PDE9A: variants seen among roughly 807,000 people sequenced by gnomAD.
PDE9A encodes high affinity cGMP-specific 3',5'-cyclic phosphodiesterase 9A.
In PDE9A, 60 loss-of-function variants were observed where a neutral mutation model predicts 87.4. The observed-to-expected ratio is 0.69, with a 90% CI of 0.56 to 0.85. The LOEUF (loss-of-function observed/expected upper bound fraction) is 0.85, where lower values mean the gene tolerates loss of function less well. PDE9A is among the 40% of genes least tolerant of loss of function. The pLI is 0.00. For synonymous variants in PDE9A, 272 were observed against 279.4 expected, an observed-to-expected ratio of 0.97 and a Z score of 0.27; for missense variants, 665 against 779.0, an observed-to-expected ratio of 0.85 and a Z score of 1.74.
rs1294292672 is a variant in PDE9A, at chr21:42,684,428, C to T, written c.70-1764C>T. Among the ~76,000 whole-genome samples the T allele has an allele frequency of 2.0e-5, 3 of 152,236 alleles. 1 individual carries two copies. The highest frequency in any genetic ancestry group is 2.1e-4 in the South Asian group (1 of 4,834). On this transcript the variant is annotated intron_variant, in intron 1 of 19. Transcript: ENST00000291539. ...CAGGCTCTGCCACGCCACAACTCCACGGGCATAGCCTGGGAGGCCGCAGCG... is the reference window on the plus strand; with the variant it reads ...CAGGCTCTGCCACGCCACAACTCCATGGGCATAGCCTGGGAGGCCGCAGCG...
In PDE9A at chr21:42,660,877, C is replaced by A. The variant is rs73905720; in HGVS notation, c.69+6994C>A. On this transcript the variant is annotated intron_variant, in intron 1 of 19. Coordinates refer to ENST00000291539, the MANE Select transcript of PDE9A (RefSeq NM_002606.3). This position sits in a 1 kb window ranked among gnomAD's most constrained non-coding sequence, Gnocchi z 4.7. ...CCCATCCCTGACTGCCTGTCTCCCC[C>A]CTCACCCTGACCACATCTCCCCAAA... Among the ~76,000 whole-genome samples the A allele has an allele frequency of 1.3e-5, 2 of 152,076 alleles. No individual in the cohort carries two copies. The highest frequency in any genetic ancestry group is 3.8e-4 in the East Asian group (2 of 5,196).
At chr21:42,683,707 C>T (rs749300941) in intron 1 of PDE9A, among the ~76,000 whole-genome samples, 3 of 152,198 alleles carry the variant, frequency 2.0e-5, no homozygotes, top group African/African-American at 4.8e-5. Flanking sequence ...ACTGCGATTC[C>T]GTAATCGCCC....
intron 4 of PDE9A, chr21:42,700,631 G>A (rs981692998): frequency 6.6e-6 from 1 of 152,150 alleles, no homozygotes; most frequent in African/African-American, 2.4e-5. Context: ...TTGAAAGCAA[G>A]TCACGAAGTC....
At chr21:42,714,714 A>G (rs1288968358) in intron 4 of PDE9A, among the ~76,000 whole-genome samples, 3 of 142,878 alleles carry the variant, frequency 2.1e-5, no homozygotes, top group African/African-American at 5.3e-5. Context: ...CTTTGTTCAT[A>G]TGGTTGGGGT....
At chr21:42,684,272 C>A (rs2059323012) in intron 1 of PDE9A, among the ~76,000 whole-genome samples, 1 of 152,218 alleles carries the variant, frequency 6.6e-6, no homozygotes, top group Non-Finnish European at 1.5e-5. Flanking sequence ...CCACCCCTGC[C>A]CTCTGCAGAC....
rs1429671045 is a variant in PDE9A, at chr21:42,695,322, G to A, written c.219-3646G>A. ...GGTGTCATTTTCCTTTCCAATCCGG[G>A]AACATTCTGGAGATCCTGACATCCA... On this transcript the variant is annotated intron_variant, in intron 3 of 19. Coordinates refer to ENST00000291539, the MANE Select transcript of PDE9A (RefSeq NM_002606.3). The surrounding 1 kb of genome is among the most constrained non-coding windows in gnomAD (Gnocchi z 4.3). Among the ~76,000 whole-genome samples, 2 of 152,220 alleles carry A rather than the reference G, an allele frequency of 1.3e-5. No individual in the cohort carries two copies. Among genetic ancestry groups the A allele is most frequent in the Non-Finnish European group, 2.9e-5 (2 of 68,042 alleles).
chr21:42,747,522 G>C (rs561724229), intron 8 of PDE9A, among the ~76,000 whole-genome samples: 2 of 152,376 alleles, frequency 1.3e-5, no homozygotes, highest in Admixed American at 1.3e-4. Context: ...GGATCCACCA[G>C]AAGCTGCCCC....
intron 7 of PDE9A, among the ~76,000 whole-genome samples, chr21:42,742,669 A>G (rs1401355199): frequency 1.3e-5 from 2 of 151,762 alleles, no homozygotes; most frequent in Admixed American, 1.3e-4. Context: ...GTTTCACTAT[A>G]TTGGCCAGGC....
rs143174133 is a variant in PDE9A, at chr21:42,659,152, G to T, written c.69+5269G>T. Among the ~76,000 whole-genome samples the T allele has an allele frequency of 6.6e-6, 1 of 152,296 alleles. No individual in the cohort carries two copies. The highest frequency in any genetic ancestry group is 1.9e-4 in the East Asian group (1 of 5,180). Reference sequence around the variant, plus strand: ...TTCCCAATTTTAGCCCAAGGGTGCCGAAAAGTCAGGGAGCTGCTGGCCTCC... The same window carrying T: ...TTCCCAATTTTAGCCCAAGGGTGCCTAAAAGTCAGGGAGCTGCTGGCCTCC... On this transcript the variant is annotated intron_variant, in intron 1 of 19. Transcript: ENST00000291539. This position sits in a 1 kb window ranked among gnomAD's most constrained non-coding sequence, Gnocchi z 4.1.
At chr21:42,697,611 G>A (rs2060215173) in intron 3 of PDE9A, 1 of 752,252 alleles carries the variant, frequency 1.3e-6, no homozygotes, top group Admixed American at 1.9e-5. Context: ...TGAAATCCAA[G>A]ATGAGGGTGT....
At chr21:42,755,642 G>A (rs915228217) in intron 10 of PDE9A, among the ~76,000 whole-genome samples, 5 of 152,358 alleles carry the variant, frequency 3.3e-5, no homozygotes, top group Middle Eastern at 3.4e-3. Context: ...CAGAAGAGAC[G>A]TGTTGGAGCT....
intron 4 of PDE9A, among the ~76,000 whole-genome samples, chr21:42,703,444 C>T (rs923844084): frequency 3.9e-5 from 6 of 152,212 alleles, no homozygotes; most frequent in African/African-American, 1.4e-4. Context: ...CCATAAAGCC[C>T]TGGAGGCAGG....
chr21:42,692,047 C>A lies in PDE9A; in HGVS notation c.218+4053C>A, dbSNP rs1358656287. 6.6e-6 allele frequency among the ~76,000 whole-genome samples: 1 copy of A among 152,230 alleles called. No homozygotes were observed. The highest frequency in any genetic ancestry group is 1.5e-5 in the Non-Finnish European group (1 of 68,046). On this transcript the variant is annotated intron_variant, in intron 3 of 19. Transcript: ENST00000291539. The surrounding 1 kb of genome is among the most constrained non-coding windows in gnomAD (Gnocchi z 4.3). ...AGTGTGCGCCTCAGTCTGAAGTGAT[C>A]TCACTTACTTGTTTGAGGTTCTCAC...
rs563851675 is a variant in PDE9A, at chr21:42,725,244, G to GT, written c.263-6516dup. On this transcript the variant is annotated intron_variant, in intron 4 of 19. Transcript: ENST00000291539. ...CTCTCTCTTTTTTGTTTTTGTTTTT[G>GT]TTTTTTTTTTGAGACAGAGTTTCGC... 2.5e-3 allele frequency among the ~76,000 whole-genome samples: 369 copies of GT among 147,704 alleles called. 4 individuals carry two copies. Among genetic ancestry groups the GT allele is most frequent in the Middle Eastern group, 0.014 (4 of 290 alleles).
At chr21:42,734,581 CTTTTTT>C (rs1168670531) in intron 7 of PDE9A, 2 of 151,002 alleles carry the variant, frequency 1.3e-5, no homozygotes, top group Non-Finnish European at 2.9e-5. Context: ...TTTTCTTTTT[CTTTTTT>C]TGAGAGACAG....
intron 10 of PDE9A, chr21:42,757,650 G>T (rs956860067): frequency 6.6e-6 from 1 of 152,004 alleles, no homozygotes; most frequent in Admixed American, 6.6e-5. Context: ...CTTCTTGCTG[G>T]GGCCTCGGTC....
At chr21:42,719,589 G>A (rs988023972) in intron 4 of PDE9A, among the ~76,000 whole-genome samples, 8 of 145,944 alleles carry the variant, frequency 5.5e-5, no homozygotes, top group South Asian at 2.3e-4. Context: ...GCAGTGAGCC[G>A]AGATGGCGCC....
At chr21:42,683,082 C>T (rs1371954405) in intron 1 of PDE9A, among the ~76,000 whole-genome samples, 5 of 152,296 alleles carry the variant, frequency 3.3e-5, no homozygotes, top group African/African-American at 9.6e-5. Context: ...ATAACAGAGC[C>T]GGAAAGTCCA....
In PDE9A at chr21:42,686,191, G is replaced by A; in HGVS notation, c.70-1G>A. 6.2e-7 allele frequency: 1 copy of A among 1,613,550 alleles called. No individual in the cohort carries two copies. Among genetic ancestry groups the A allele is most frequent in the East Asian group, 2.2e-5 (1 of 44,866 alleles). On this transcript the variant is annotated splice_acceptor_variant, in intron 1 of 19. Coordinates refer to ENST00000291539, the MANE Select transcript of PDE9A (RefSeq NM_002606.3). LOFTEE classifies it high-confidence loss of function. ...CGCCTCACCGCGCTTCTGTTTTGCA[G>A]GTAATCTTCAGCAAGTACTGCAACT...
Sources: gnomAD v4.1 joint callset for allele counts (sites outside exome capture counted in the v4.1 genomes callset) on GRCh38, gnomAD v4.1.1 for gene constraint, Gnocchi (gnomAD v3.1) non-coding constraint, MANE v1.5 for transcripts, NCBI Gene and HGNC (gene_info 2026-07-23, HGNC 2026-07-21) for gene names.